C1QTNF1: variants seen among roughly 807,000 people sequenced by gnomAD.
The protein encoded by C1QTNF1 is complement C1q tumor necrosis factor-related protein 1.
A neutral mutation model predicts 27.8 loss-of-function variants in C1QTNF1; 22 were observed. The observed-to-expected ratio is 0.79, with a 90% CI of 0.56 to 1.13. C1QTNF1 has a LOEUF of 1.13. Ranked by LOEUF, C1QTNF1 falls within the 50% of genes most tolerant of loss-of-function variation. The probability of loss-of-function intolerance (pLI) is 0.00; values close to 1 mark genes in which losing one functional copy is unlikely to be tolerated. For synonymous variants in C1QTNF1, 166 were observed against 154.3 expected (o/e 1.08, Z -0.56); for missense variants, 373 against 380.2 (o/e 0.98, Z 0.16).
At chr17:79,032,838 G>C (rs1273922653) in intron 1 of C1QTNF1, among the ~76,000 whole-genome samples, 1 of 152,042 alleles carries the variant, frequency 6.6e-6, no homozygotes, top group Non-Finnish European at 1.5e-5. Flanking sequence ...AGGCCGAGGC[G>C]GGTGGATCGC....
At chr17:79,043,259 G>A (rs1419667691) in intron 1 of C1QTNF1, 4 of 453,808 alleles carry the variant, frequency 8.8e-6, no homozygotes, top group African/African-American at 2.0e-5. Flanking sequence ...ATGTATGCAT[G>A]TGTGTGCATG....
chr17:79,025,817 C>T, intron 1 of C1QTNF1: 1 of 290,304 alleles, frequency 3.4e-6, no homozygotes, highest in South Asian at 3.2e-5. Context: ...CCCACCCTCC[C>T]TCTTAGAGCT....
At chr17:79,042,098 G>A (rs1397931706) in intron 1 of C1QTNF1, among the ~76,000 whole-genome samples, 4 of 152,202 alleles carry the variant, frequency 2.6e-5, no homozygotes, top group South Asian at 2.1e-4. Flanking sequence ...CTCACTGGGC[G>A]GCTGTGTGTT....
chr17:79,026,340 G>C (rs1454422419), intron 1 of C1QTNF1, among the ~76,000 whole-genome samples: 1 of 152,100 alleles, frequency 6.6e-6, no homozygotes. Flanking sequence ...TTTTAGTAGA[G>C]ACTGGGTTTC....
intron 1 of C1QTNF1, among the ~76,000 whole-genome samples, chr17:79,028,575 G>A (rs1045720602): frequency 9.8e-5 from 15 of 152,324 alleles, no homozygotes; most frequent in South Asian, 4.1e-4. Context: ...GGTCTCTTGC[G>A]TCCTCTGGCA....
chr17:79,047,275 A>G, intron 3 of C1QTNF1: 2 of 387,784 alleles, frequency 5.2e-6, no homozygotes, highest in Non-Finnish European at 9.1e-6. Flanking sequence ...CCAGAAGGAA[A>G]AAAAAATTAT....
intron 3 of C1QTNF1, chr17:79,047,172 C>G (rs2072599945): frequency 7.6e-6 from 2 of 262,352 alleles, no homozygotes; most frequent in Non-Finnish European, 1.4e-5. Context: ...AGCGAGCCGT[C>G]GGTCTGGCCG....
chr17:79,046,834 C>T lies in C1QTNF1; in HGVS notation c.295+140C>T. ...CAGGGAGCAGAGGCAGGCAGGCTGT[C>T]ATCTAGAGGGGAAGGCACAGGAAAT... On this transcript the variant is annotated intron_variant, in intron 3 of 3. Transcript: ENST00000579760. The surrounding 1 kb of genome is among the most constrained non-coding windows in gnomAD (Gnocchi z 4.8). 8.9e-7 allele frequency: 1 copy of T among 1,123,624 alleles called. No homozygotes were observed. 69.6% of individuals were successfully genotyped at this position (1,123,624 alleles called of 1,614,324 possible).
Position 79,048,136 on chromosome 17 carries a change from T to TGCTGACCCCAGGGCTCAGCACCGG in C1QTNF1, c.*58_*59insGGGCTCAGCACCGGGCTGACCCCA. The TGCTGACCCCAGGGCTCAGCACCGG allele has an allele frequency of 6.9e-7, 1 of 1,449,312 alleles. No homozygotes were observed. Among genetic ancestry groups the TGCTGACCCCAGGGCTCAGCACCGG allele is most frequent in the African/African-American group, 1.4e-5 (1 of 70,030 alleles). The allele number at this position is 1,449,312 out of a possible 1,614,324, so 89.8% of individuals were successfully genotyped here. On this transcript the variant is annotated 3_prime_UTR_variant, in exon 4 of 4. Coordinates refer to ENST00000579760, the MANE Select transcript of C1QTNF1 (RefSeq NM_030968.5). ...CTCGCCACCTTCCACCCCTGCGCTG[T>TGCTGACCCCAGGGCTCAGCACCGG]GCTGACCCCACCGCCTCTTCCCCGA...
At chr17:79,034,521 C>T (rs2072219727) in intron 1 of C1QTNF1, 3 of 152,294 alleles carry the variant, frequency 2.0e-5, no homozygotes, top group Admixed American at 2.0e-4. Flanking sequence ...CTGAGTCCCA[C>T]TCTTCGCTCC....
At chr17:79,035,057 C>T (rs746717724) in intron 1 of C1QTNF1, among the ~76,000 whole-genome samples, 3 of 152,168 alleles carry the variant, frequency 2.0e-5, no homozygotes, top group East Asian at 1.9e-4. Flanking sequence ...CCACTCTGCC[C>T]GCCTCCTGCC....
In C1QTNF1 at chr17:79,047,585, A is replaced by C; in HGVS notation, c.343A>C (p.Lys115Gln). The part of the protein sequence containing the change: ...GDRGLQGKYG[K>Q]TGSAGARGHT... ...TCGAGGCCTCCAAGGGAAATATGGC[A>C]AAACAGGCTCAGCAGGGGCCAGGGG... The change falls in exon 4 of 4, where the codon AAA (lysine) becomes CAA (glutamine). Residue 115 changes from lysine to glutamine, a missense_variant. Physicochemically the swap from Lys to Gln is moderately conservative, Grantham distance 53 (BLOSUM62 1). Coordinates refer to ENST00000579760, the MANE Select transcript of C1QTNF1 (RefSeq NM_030968.5). 1 of 1,541,304 alleles carries C rather than the reference A, an allele frequency of 6.5e-7. No homozygotes were observed. Among genetic ancestry groups the C allele is most frequent in the Non-Finnish European group, 8.7e-7 (1 of 1,146,206 alleles).
Position 79,043,549 on chromosome 17 carries a change from CTG to C in C1QTNF1, c.-14-403_-14-402del, listed in dbSNP as rs201411652. The C allele has an allele frequency of 5.8e-3, 2,524 of 433,760 alleles. 66 individuals carry two copies. Among genetic ancestry groups the C allele is most frequent in the African/African-American group, 0.046 (2,273 of 49,494 alleles). The allele number at this position is 433,760 out of a possible 1,614,324, so 26.9% of individuals were successfully genotyped here. A position where few individuals can be genotyped will look rare whatever the true frequency, so the allele number is the denominator to read the frequency against. ...ATGTGTGTAGGTTTCATTGTTGAGA[CTG>C]TGCATGTGTATTGTGTGTACATGTG... On this transcript the variant is annotated intron_variant, in intron 1 of 3. Transcript: ENST00000579760.
intron 1 of C1QTNF1, among the ~76,000 whole-genome samples, chr17:79,042,204 G>C (rs1018837043): frequency 6.6e-6 from 1 of 152,256 alleles, no homozygotes; most frequent in African/African-American, 2.4e-5. Context: ...GTGCCCCTCG[G>C]TGGGGAGGTT....
intron 1 of C1QTNF1, among the ~76,000 whole-genome samples, chr17:79,030,843 C>T (rs1036310390): frequency 4.6e-5 from 7 of 151,766 alleles, no homozygotes; most frequent in Non-Finnish European, 7.4e-5. Flanking sequence ...TCAAGCGATC[C>T]GCCTGCCTCG....
chr17:79,030,484 T>TC (rs1491531957), intron 1 of C1QTNF1, among the ~76,000 whole-genome samples: 26 of 67,094 alleles, frequency 3.9e-4, no homozygotes, highest in South Asian at 5.7e-4. Flanking sequence ...TCTTTCTTTC[T>TC]TTTTCTTTCT....
In C1QTNF1 at chr17:79,047,556, G is replaced by A; in HGVS notation, c.314G>A (p.Gly105Glu). The change falls in exon 4 of 4, where the codon GGA becomes GAA. Residue 105 changes from glycine to glutamate, a missense_variant. By Grantham distance (98) the Gly-to-Glu change is moderately conservative (BLOSUM62 -2). Transcript: ENST00000579760. ...CTTTTAGGGGAGAAGGGTGACCGCG[G>A]AGATCGAGGCCTCCAAGGGAAATAT... ...TILKGEKGDR[G>E]DRGLQGKYGK... 3 of 1,527,840 alleles carry A rather than the reference G, an allele frequency of 2.0e-6. No individual in the cohort carries two copies. Among genetic ancestry groups the A allele is most frequent in the Non-Finnish European group, 2.6e-6 (3 of 1,139,558 alleles). The allele number at this position is 1,527,840 out of a possible 1,614,324, so 94.6% of individuals were successfully genotyped here.
At chr17:79,040,487 A>ATTCCC (rs2072375513) in intron 1 of C1QTNF1, among the ~76,000 whole-genome samples, 4 of 152,006 alleles carry the variant, frequency 2.6e-5, no homozygotes, top group Non-Finnish European at 5.9e-5. Context: ...GGGGCCTGGG[A>ATTCCC]AGGCTTCAGG....
intron 1 of C1QTNF1, among the ~76,000 whole-genome samples, chr17:79,039,805 A>G (rs1028378533): frequency 0.023 from 3,522 of 151,668 alleles, 120 homozygotes; most frequent in African/African-American, 0.08. Flanking sequence ...GTGTATATAT[A>G]TATATATGTA....
Sources: gnomAD v4.1 joint callset for allele counts (sites outside exome capture counted in the v4.1 genomes callset) on GRCh38, gnomAD v4.1.1 for gene constraint, Gnocchi (gnomAD v3.1) non-coding constraint, MANE v1.5 for transcripts, NCBI Gene and HGNC (gene_info 2026-07-23, HGNC 2026-07-21) for gene names.